AHCY: variants seen among roughly 807,000 people sequenced by gnomAD.
The protein encoded by AHCY is S-adenosyl-L-homocysteine hydrolase.
In AHCY, 24 loss-of-function variants were observed where a neutral mutation model predicts 45.4. The ratio of observed to expected loss-of-function variants is 0.53; its 90% CI spans 0.38 to 0.74. The LOEUF is 0.74. AHCY is among the 30% of genes least tolerant of loss of function. The pLI is 0.00. For synonymous variants in AHCY, 245 were observed against 235.1 expected (o/e 1.04, Z -0.39); for missense variants, 449 against 594.1 (o/e 0.76, Z 2.54).
chr20:34,295,089 C>T, intron 2 of AHCY: 1 of 472,440 alleles, frequency 2.1e-6, no homozygotes, highest in Non-Finnish European at 3.9e-6. Flanking sequence ...AGGGCCAAGG[C>T]AAGCTGGCCC....
intron 3 of AHCY, 137 bp downstream of exon 3, chr20:34,293,944 C>T (rs1272803501): frequency 2.5e-5 from 22 of 865,822 alleles, no homozygotes; most frequent in Admixed American, 4.0e-5. Context: ...CCTGTGGGGT[C>T]GCTGGGCTAG....
At chr20:34,258,703 T>C in the AHCY span, among the ~76,000 whole-genome samples, 2 of 95,262 alleles carry the variant, frequency 2.1e-5, no homozygotes, top group African/African-American at 7.6e-5. Context: ...ATACTATATA[T>C]ATATATTATA....
intron 1 of AHCY, among the ~76,000 whole-genome samples, chr20:34,308,955 A>ATTTTTT (rs769193254): frequency 1.0e-4 from 9 of 89,570 alleles, no homozygotes; most frequent in African/African-American, 2.8e-4. Flanking sequence ...CGCCTGGCCA[A>ATTTTTT]TTTTTTTTTT....
chr20:34,290,350 C>T lies in AHCY; in HGVS notation c.954G>A (p.Lys318=), dbSNP rs6088457. The part of the protein sequence containing the change: ...VKWLNENAVE[K]VNIKPQVDRY... ...TTCTCACCTGCGGCTTGATGTTCAC[C>T]TTCTCCACGGCGTTCTCGTTGAGCC... Residue 318 remains lysine (K), a synonymous_variant, in exon 8 of 10, where the codon AAG becomes AAA. Coordinates refer to ENST00000217426, the MANE Select transcript of AHCY (RefSeq NM_000687.4). The surrounding 1 kb of genome is among the most constrained non-coding windows in gnomAD (Gnocchi z 4.5). 27 of 1,614,178 alleles carry T rather than the reference C, an allele frequency of 1.7e-5. 1 individual carries two copies. The highest frequency in any genetic ancestry group is 7.7e-5 in the South Asian group (7 of 91,090).
chr20:34,234,614 C>T, the AHCY span, among the ~76,000 whole-genome samples: 8 of 151,898 alleles, frequency 5.3e-5, no homozygotes, highest in East Asian at 1.5e-3. Context: ...CCAGCCTGAC[C>T]AACATGGCGA....
chr20:34,243,815 A>C, the AHCY span, among the ~76,000 whole-genome samples: 1 of 151,610 alleles, frequency 6.6e-6, no homozygotes, highest in African/African-American at 2.4e-5. Context: ...CTGTAATCCC[A>C]GCACTTTGGG....
At chr20:34,273,749 T>C in the AHCY span, among the ~76,000 whole-genome samples, 1 of 152,208 alleles carries the variant, frequency 6.6e-6, no homozygotes, top group Non-Finnish European at 1.5e-5. Context: ...CGAGTTACCC[T>C]TTCTTCTTCC....
the AHCY span, among the ~76,000 whole-genome samples, chr20:34,237,458 G>T: frequency 7.9e-5 from 12 of 152,008 alleles, no homozygotes; most frequent in African/African-American, 2.7e-4. Context: ...TTCCTTTTCA[G>T]ATTGTTCATT....
the AHCY span, among the ~76,000 whole-genome samples, chr20:34,256,075 G>A: frequency 6.6e-6 from 1 of 152,242 alleles, no homozygotes; most frequent in African/African-American, 2.4e-5. Context: ...CCGCCTTCTA[G>A]AGAGTGGTAG....
rs1038214497 is a variant in AHCY at position 34,290,995 on chromosome 20, C to A, written c.559-57G>T. 4.5e-6 allele frequency: 7 copies of A among 1,561,528 alleles called. No homozygotes were observed. Among genetic ancestry groups the A allele is most frequent in the Non-Finnish European group, 6.2e-6 (7 of 1,135,980 alleles). On this transcript the variant is annotated intron_variant, in intron 5 of 9. Coordinates refer to ENST00000217426, the MANE Select transcript of AHCY (RefSeq NM_000687.4). The surrounding 1 kb of genome is among the most constrained non-coding windows in gnomAD (Gnocchi z 4.5). ...GGCAGGCAAGGCCCTGGGGCCAGGA[C>A]AACTTGGCCTCAGAGTATTCTGAAG...
chr20:34,265,210 T>A, the AHCY span, among the ~76,000 whole-genome samples: 1 of 152,156 alleles, frequency 6.6e-6, no homozygotes, highest in Non-Finnish European at 1.5e-5. Flanking sequence ...TATTAGTAGT[T>A]AAGTTTTTGA....
At chr20:34,311,513 CGGAGG>C (rs1568822642) in exon 1 of AHCY, 1 of 152,492 alleles carries the variant, frequency 6.6e-6, no homozygotes, top group Non-Finnish European at 1.5e-5. Context: ...GTCCTGGGCG[CGGAGG>C]GGCGGAGAGG....
the AHCY span, among the ~76,000 whole-genome samples, chr20:34,253,915 A>T: frequency 6.6e-6 from 1 of 152,360 alleles, no homozygotes; most frequent in East Asian, 1.9e-4. Context: ...CTAAATACAG[A>T]TGATGAATTT....
At chr20:34,284,056 G>A (rs1181711538) in intron 9 of AHCY, among the ~76,000 whole-genome samples, 1 of 152,180 alleles carries the variant, frequency 6.6e-6, no homozygotes, top group Non-Finnish European at 1.5e-5. Context: ...CCCAGGGAAG[G>A]GTGGACTGCA....
chr20:34,239,423 G>T, the AHCY span, among the ~76,000 whole-genome samples: 1 of 152,082 alleles, frequency 6.6e-6, no homozygotes, highest in African/African-American at 2.4e-5. Context: ...CACCATGTTG[G>T]CCAGGCTCTT....
intron 1 of AHCY, chr20:34,301,809 A>T: frequency 1.0e-6 from 1 of 985,424 alleles, no homozygotes; most frequent in East Asian, 1.1e-4. Context: ...CTACTCTGGT[A>T]GCAACTTGAT....
At chr20:34,278,383 C>T (rs1601629491), downstream of AHCY, among the ~76,000 whole-genome samples, 1 of 152,166 alleles carries the variant, frequency 6.6e-6, no homozygotes, top group African/African-American at 2.4e-5. Flanking sequence ...CAGGAGGAGA[C>T]ACGCTAGAGG....
intron 3 of AHCY, among the ~76,000 whole-genome samples, chr20:34,292,864 C>T (rs1183113180): frequency 6.6e-6 from 1 of 152,162 alleles, no homozygotes; most frequent in Admixed American, 6.5e-5. Flanking sequence ...CCTTTCCCAT[C>T]CCCTTCTGCC....
chr20:34,289,207 A>G (rs1054301024), intron 8 of AHCY, among the ~76,000 whole-genome samples: 1 of 149,778 alleles, frequency 6.7e-6, no homozygotes, highest in Non-Finnish European at 1.5e-5. Context: ...AGAGTCTCGC[A>G]CTGTCACCCA....
Sources: gnomAD v4.1 joint callset for allele counts (sites outside exome capture counted in the v4.1 genomes callset) on GRCh38, gnomAD v4.1.1 for gene constraint, Gnocchi (gnomAD v3.1) non-coding constraint, MANE v1.5 for transcripts, NCBI Gene and HGNC (gene_info 2026-07-23, HGNC 2026-07-21) for gene names.